The following SKAP2 variants were observed in gnomAD, a reference collection of about 807,000 sequenced individuals.
The protein encoded by SKAP2 is src kinase-associated phosphoprotein 2.
Under a neutral mutation model 54.9 loss-of-function variants are expected in SKAP2, and 28 were observed. That is an observed-to-expected ratio of 0.51 (90% confidence interval 0.38 to 0.70). The LOEUF (loss-of-function observed/expected upper bound fraction) is 0.70, where lower values mean the gene tolerates loss of function less well. Among genes scored for constraint, SKAP2 ranks in the 30% least tolerant of loss-of-function variants. The pLI is 0.00. For synonymous variants in SKAP2, 137 were observed against 134.3 expected (o/e 1.02, Z -0.14); for missense variants, 356 against 424.1 (o/e 0.84, Z 1.41).
chr7:26,858,095 C>T (rs1162922155), intron 1 of SKAP2: 1 of 152,242 alleles, frequency 6.6e-6, no homozygotes. Flanking sequence ...CACACTCTCA[C>T]GCATACTGGC....
intron 4 of SKAP2, among the ~76,000 whole-genome samples, chr7:26,771,387 T>A (rs566401953): frequency 1.3e-5 from 2 of 152,300 alleles, no homozygotes; most frequent in Admixed American, 6.5e-5. Context: ...ACAAGTTGAA[T>A]CCAATAAGAC....
At chr7:26,862,300 C>T (rs1785287034) in intron 1 of SKAP2, among the ~76,000 whole-genome samples, 1 of 152,004 alleles carries the variant, frequency 6.6e-6, no homozygotes, top group African/African-American at 2.4e-5. Flanking sequence ...AAAATGTTAG[C>T]AACTTTCCAA....
At chr7:26,822,738 C>T (rs965427845) in intron 4 of SKAP2, among the ~76,000 whole-genome samples, 4 of 151,608 alleles carry the variant, frequency 2.6e-5, no homozygotes, top group African/African-American at 9.7e-5. Flanking sequence ...AAAAAATTAG[C>T]CAGGCGTGGT....
chr7:26,660,412 T>C, the SKAP2 span, among the ~76,000 whole-genome samples: 16 of 152,090 alleles, frequency 1.1e-4, no homozygotes, highest in Non-Finnish European at 2.2e-4. Context: ...ATTTCAAAAC[T>C]GTTTAAAAAT....
At chr7:26,759,455 T>G (rs1782875570) in intron 4 of SKAP2, among the ~76,000 whole-genome samples, 1 of 152,122 alleles carries the variant, frequency 6.6e-6, no homozygotes, top group African/African-American at 2.4e-5. Context: ...TTAATCCCTC[T>G]TCATCTGCTT....
At chr7:26,839,167 G>GC (rs1784769635) in intron 4 of SKAP2, among the ~76,000 whole-genome samples, 1 of 152,076 alleles carries the variant, frequency 6.6e-6, no homozygotes, top group East Asian at 1.9e-4. Flanking sequence ...ATTCTCAATG[G>GC]CTATGTGTTT....
At position 26,864,564 on chromosome 7, in the gene SKAP2, C is replaced by A; in HGVS notation, c.-135G>T. ...GCGGGGCTACGAGTCGGGACACTGC[C>A]GGGCCGGGGCTCACAACAAGGAAGT... On this transcript the variant is annotated 5_prime_UTR_variant, in exon 1 of 13. Transcript: ENST00000345317. The A allele has an allele frequency of 7.0e-7, 1 of 1,425,250 alleles. No homozygotes were observed. Among genetic ancestry groups the A allele is most frequent in the Non-Finnish European group, 9.2e-7 (1 of 1,089,788 alleles). The allele number at this position is 1,425,250 out of a possible 1,614,324, so 88.3% of individuals were successfully genotyped here. A position where few individuals can be genotyped will look rare whatever the true frequency, so the allele number is the denominator to read the frequency against.
At position 26,708,061 on chromosome 7, in the gene SKAP2, A is replaced by C. The variant is rs141210654; in HGVS notation, c.796+17367T>G. On this transcript the variant is annotated intron_variant, in intron 9 of 12. Transcript: ENST00000345317. The stretch of plus-strand genomic sequence containing the variant: ...ATGGACCTAGCAGAAGAGACTTCCA[A>C]GTAAACAGGCAAATTCCTGTGTGGC... 4.5e-4 allele frequency among the ~76,000 whole-genome samples: 69 copies of C among 152,348 alleles called. No homozygotes were observed. In the East Asian group the frequency reaches 0.012, roughly 26 times the overall value.
At chr7:26,658,727 G>A in the SKAP2 span, among the ~76,000 whole-genome samples, 1 of 152,106 alleles carries the variant, frequency 6.6e-6, no homozygotes, top group African/African-American at 2.4e-5. Flanking sequence ...AATGCATAGA[G>A]CAACCATATT....
intron 4 of SKAP2, among the ~76,000 whole-genome samples, chr7:26,811,010 T>G (rs1382022962): frequency 6.6e-6 from 1 of 152,106 alleles, no homozygotes; most frequent in Non-Finnish European, 1.5e-5. Context: ...CAATTTAAAG[T>G]TTTTTAAATT....
At chr7:26,817,781 T>C in intron 4 of SKAP2, among the ~76,000 whole-genome samples, 1 of 152,166 alleles carries the variant, frequency 6.6e-6, no homozygotes, top group East Asian at 1.9e-4. Flanking sequence ...CAAGCATTCC[T>C]ATACACCAAT....
At chr7:26,748,253 T>C (rs903995648) in intron 4 of SKAP2, among the ~76,000 whole-genome samples, 25 of 152,290 alleles carry the variant, frequency 1.6e-4, no homozygotes, top group African/African-American at 5.3e-4. Flanking sequence ...TATCACATTG[T>C]TAAAATATAT....
intron 4 of SKAP2, among the ~76,000 whole-genome samples, chr7:26,825,642 T>A (rs1042927771): frequency 6.7e-5 from 10 of 150,008 alleles, no homozygotes; most frequent in Non-Finnish European, 1.2e-4. Context: ...ATGAAAGGTT[T>A]GAAGAATTAA....
At chr7:26,780,526 T>C (rs1405903178) in intron 4 of SKAP2, among the ~76,000 whole-genome samples, 2 of 152,134 alleles carry the variant, frequency 1.3e-5, no homozygotes. Context: ...TGAATGAGCA[T>C]GATTGTGTCC....
intron 4 of SKAP2, among the ~76,000 whole-genome samples, chr7:26,799,363 T>TA (rs1262165226): frequency 1.3e-5 from 2 of 151,330 alleles, no homozygotes; most frequent in Non-Finnish European, 2.9e-5. Context: ...ATCAAAGTGA[T>TA]AAAAAAAGAT....
chr7:26,750,313 C>CTTTT (rs70946231), intron 4 of SKAP2, among the ~76,000 whole-genome samples: 16 of 134,950 alleles, frequency 1.2e-4, no homozygotes, highest in African/African-American at 4.2e-4. Flanking sequence ...ATATACCATA[C>CTTTT]TTTTTTTTTT....
chr7:26,827,238 C>A (rs983046687), intron 4 of SKAP2, among the ~76,000 whole-genome samples: 34 of 152,128 alleles, frequency 2.2e-4, no homozygotes, highest in Non-Finnish European at 8.8e-5. Flanking sequence ...GCATCTCTGG[C>A]ATGAAATTAC....
Position 26,825,171 on chromosome 7 carries a change from ATAAG to A in SKAP2, c.307+18855_307+18858del, listed in dbSNP as rs1432314799. Among the ~76,000 whole-genome samples the A allele has an allele frequency of 4.6e-5, 7 of 152,344 alleles. No homozygotes were observed. The South Asian group carries it at 8.3e-4, about 18-fold the overall frequency. On this transcript the variant is annotated intron_variant, in intron 4 of 12. Transcript: ENST00000345317. ...AGAAAGCAAGCAAGCCGAGGGTCAA[ATAAG>A]TAAGTAATCTCCAGCAAAAGCTACA...
At chr7:26,751,167 G>A (rs2391359) in intron 4 of SKAP2, among the ~76,000 whole-genome samples, 94,049 of 151,904 alleles carry the variant, frequency 0.62, 29,692 homozygotes, top group East Asian at 0.88. Context: ...AATAAAACAC[G>A]TTTTTGTTTT....
Sources: allele counts gnomAD v4.1 joint callset (sites outside exome capture counted in the v4.1 genomes callset), GRCh38; gene constraint gnomAD v4.1.1; transcripts MANE v1.5; gene names NCBI Gene and HGNC (gene_info 2026-07-23, HGNC 2026-07-21).